The following CHODL variants were observed in gnomAD, a reference collection of about 807,000 sequenced individuals.
CHODL encodes the protein transmembrane protein MT75.
Under a neutral mutation model 34.5 loss-of-function variants are expected in CHODL, and 29 were observed. That is an observed-to-expected ratio of 0.84 (90% CI 0.63 to 1.15). CHODL has a LOEUF of 1.15. CHODL is among the 50% of genes most tolerant of loss of function. The pLI is 0.00. For missense variants in CHODL, 332 were observed against 332.5 expected (o/e 1.00, Z 0.01); for synonymous variants, 125 against 116.1 (o/e 1.08, Z -0.49).
At chr21:18,232,942 GAT>G (rs371388519) in intron 2 of CHODL, among the ~76,000 whole-genome samples, 32,611 of 119,366 alleles carry the variant, frequency 0.27, 4,770 homozygotes, top group East Asian at 0.51. Context: ...ATGATGTTAT[GAT>G]ATATATATAT....
chr21:18,040,066 A>G (rs1201212532), intron 2 of CHODL, among the ~76,000 whole-genome samples: 2 of 151,888 alleles, frequency 1.3e-5, no homozygotes, highest in Non-Finnish European at 2.9e-5. Flanking sequence ...CAAAAGAAAT[A>G]TGTTATTTAA....
intron 2 of CHODL, among the ~76,000 whole-genome samples, chr21:18,158,111 G>A (rs568505503): frequency 2.7e-5 from 4 of 150,406 alleles, no homozygotes; most frequent in Admixed American, 2.6e-4. Context: ...GCCATTAGTG[G>A]AACTTCTAGG....
chr21:18,095,855 G>A (rs1051854187), intron 2 of CHODL, among the ~76,000 whole-genome samples: 77 of 152,204 alleles, frequency 5.1e-4, no homozygotes, highest in Middle Eastern at 3.4e-3. Context: ...CAACATATGC[G>A]AAACAATGAA....
chr21:18,253,783 C>A (rs1420183740), intron 1 of CHODL, among the ~76,000 whole-genome samples: 10 of 152,106 alleles, frequency 6.6e-5, no homozygotes, highest in Admixed American at 2.0e-4. Flanking sequence ...CATGGTCATT[C>A]ATACTAATAT....
intron 2 of CHODL, among the ~76,000 whole-genome samples, chr21:18,172,844 G>T (rs777052453): frequency 2.0e-5 from 3 of 152,076 alleles, no homozygotes; most frequent in Non-Finnish European, 4.4e-5. Context: ...TGCTCAGGAG[G>T]GTTCTTTGCT....
At chr21:18,240,519 C>G (rs773905774), upstream of CHODL, among the ~76,000 whole-genome samples, 13 of 152,112 alleles carry the variant, frequency 8.5e-5, no homozygotes, top group Non-Finnish European at 1.5e-4. Flanking sequence ...AGGAGTTAGT[C>G]AATTATGTAT....
chr21:18,162,909 G>A (rs1220120382), intron 2 of CHODL, among the ~76,000 whole-genome samples: 1 of 152,106 alleles, frequency 6.6e-6, no homozygotes, highest in African/African-American at 2.4e-5. Flanking sequence ...CTGAGCAGCT[G>A]GGACTGCAGG....
intron 2 of CHODL, among the ~76,000 whole-genome samples, chr21:18,108,971 GA>G (rs1243895169): frequency 6.6e-6 from 1 of 151,882 alleles, no homozygotes; most frequent in Non-Finnish European, 1.5e-5. Context: ...ATTGAAATAG[GA>G]TTATGACAGA....
intron 2 of CHODL, among the ~76,000 whole-genome samples, chr21:18,221,852 A>T (rs1392134548): frequency 6.6e-6 from 1 of 152,232 alleles, no homozygotes; most frequent in African/African-American, 2.4e-5. Flanking sequence ...TAGGGGCAGC[A>T]GGACAGTTGT....
At chr21:18,021,227 G>A (rs1003444891) in intron 1 of CHODL, among the ~76,000 whole-genome samples, 3 of 152,158 alleles carry the variant, frequency 2.0e-5, no homozygotes, top group African/African-American at 7.2e-5. Context: ...AGCCACAGGA[G>A]GAAGTTCCAG....
At chr21:18,120,674 C>T (rs772591788) in intron 2 of CHODL, among the ~76,000 whole-genome samples, 25 of 152,192 alleles carry the variant, frequency 1.6e-4, no homozygotes, top group Non-Finnish European at 3.1e-4. Context: ...TACATATACA[C>T]ATATTTAAAT....
intron 1 of CHODL, among the ~76,000 whole-genome samples, chr21:17,980,049 A>G (rs2063701474): frequency 1.3e-5 from 2 of 149,918 alleles, no homozygotes; most frequent in Non-Finnish European, 3.0e-5. Context: ...TGTTTTGGGA[A>G]TTGTCCCCTT....
intron 2 of CHODL, among the ~76,000 whole-genome samples, chr21:18,174,316 T>C (rs2073280237): frequency 6.6e-6 from 1 of 151,460 alleles, no homozygotes; most frequent in Non-Finnish European, 1.5e-5. Flanking sequence ...AAATAATTTT[T>C]TCTTGCAATT....
chr21:18,108,302 A>G (rs2065300747), intron 2 of CHODL, among the ~76,000 whole-genome samples: 1 of 152,182 alleles, frequency 6.6e-6, no homozygotes, highest in South Asian at 2.1e-4. Context: ...AGGGTATTGG[A>G]TCTCCCATGA....
At chr21:18,221,091 CT>C (rs953042887) in intron 2 of CHODL, among the ~76,000 whole-genome samples, 1 of 151,778 alleles carries the variant, frequency 6.6e-6, no homozygotes. Flanking sequence ...CTTTTTAATT[CT>C]TTTTTTTAGT....
intron 1 of CHODL, among the ~76,000 whole-genome samples, chr21:17,989,404 C>T (rs529485622): frequency 2.6e-5 from 4 of 152,276 alleles, no homozygotes; most frequent in Non-Finnish European, 4.4e-5. Context: ...ATATGAGCAT[C>T]TTAGGAGATT....
intron 2 of CHODL, among the ~76,000 whole-genome samples, chr21:18,176,738 G>C (rs2073319055): frequency 6.6e-6 from 1 of 151,972 alleles, no homozygotes; most frequent in African/African-American, 2.4e-5. Flanking sequence ...GTGGCAATTT[G>C]AAACCAAAAA....
Position 17,952,240 on chromosome 21 carries a change from C to T in CHODL, c.-145+34840C>T, listed in dbSNP as rs117160970. On this transcript the variant is annotated intron_variant, in intron 1 of 6. Coordinates refer to the CHODL transcript ENST00000400127. Reference sequence around the variant, plus strand: ...AGAAATAAACCTACAAATCCAAGAACGATGACCAACACAGCAAGATAATTA... The same window carrying T: ...AGAAATAAACCTACAAATCCAAGAATGATGACCAACACAGCAAGATAATTA... 7.0e-3 allele frequency among the ~76,000 whole-genome samples: 962 copies of T among 137,142 alleles called. 6 individuals carry two copies. Among genetic ancestry groups the T allele is most frequent in the Non-Finnish European group, 0.011 (697 of 63,850 alleles). 90.0% of individuals were successfully genotyped at this position (137,142 alleles called of 152,430 possible).
chr21:17,983,541 C>T (rs1461964304), intron 1 of CHODL, among the ~76,000 whole-genome samples: 1 of 152,142 alleles, frequency 6.6e-6, no homozygotes, highest in Non-Finnish European at 1.5e-5. Flanking sequence ...CAAACTAAGT[C>T]TTGTCATTAG....
Sources: gnomAD v4.1 joint callset for allele counts (sites outside exome capture counted in the v4.1 genomes callset) on GRCh38, gnomAD v4.1.1 for gene constraint, MANE v1.5 for transcripts, NCBI Gene and HGNC (gene_info 2026-07-23, HGNC 2026-07-21) for gene names.